The following C12orf42 variants were observed in gnomAD, a reference collection of about 807,000 sequenced individuals.
The protein encoded by C12orf42 is chromosome 12 open reading frame 42.
In C12orf42, 25 loss-of-function variants were observed where a neutral mutation model predicts 21.6. That is an observed-to-expected ratio of 1.16 (90% CI 0.84 to 1.62). C12orf42 has a LOEUF of 1.62. C12orf42 is among the 40% of genes most tolerant of loss of function. The probability of loss-of-function intolerance (pLI) is 0.00; values close to 1 mark genes in which losing one functional copy is unlikely to be tolerated. For synonymous variants in C12orf42, 174 were observed against 175.0 expected (o/e 0.99, Z 0.05); for missense variants, 483 against 459.3 (o/e 1.05, Z -0.47).
intron 10 of C12orf42, among the ~76,000 whole-genome samples, chr12:103,253,828 T>TC (rs2034426046): frequency 6.6e-6 from 1 of 151,806 alleles, no homozygotes; most frequent in Non-Finnish European, 1.5e-5. Context: ...TTAATGGGTT[T>TC]TTTTTTTCTT....
intron 3 of C12orf42, among the ~76,000 whole-genome samples, chr12:103,378,340 C>T (rs1165711586): frequency 6.6e-6 from 1 of 152,156 alleles, no homozygotes; most frequent in Non-Finnish European, 1.5e-5. Context: ...CTTTCCATCT[C>T]GCGGTCCTGG....
In C12orf42 at chr12:103,453,727, T is replaced by G. The variant is rs534826085; in HGVS notation, c.78+24622A>C. Among the ~76,000 whole-genome samples the G allele has an allele frequency of 3.9e-5, 6 of 152,232 alleles. No individual in the cohort carries two copies. The East Asian group carries it at 9.6e-4, about 24-fold the overall frequency. The stretch of plus-strand genomic sequence containing the variant: ...CATTAAGCTTTTAAACTCCTCTTCT[T>G]GATTGCAATTTTTTTCCAATATTGA... On this transcript the variant is annotated intron_variant, in intron 2 of 5. Transcript: ENST00000548883.
the C12orf42 span, among the ~76,000 whole-genome samples, chr12:103,191,523 A>G: frequency 1.6e-5 from 2 of 125,380 alleles, no homozygotes; most frequent in Admixed American, 2.0e-4. Context: ...GCTGGGCAAC[A>G]TGGTGAAACC....
Position 103,437,960 on chromosome 12 carries a change from G to T in C12orf42, c.79-36285C>A, listed in dbSNP as rs201097208. Among the ~76,000 whole-genome samples the T allele has an allele frequency of 0.011, 1,700 of 149,414 alleles. 173 individuals are homozygous for T. In the East Asian group the frequency reaches 0.24, roughly 21 times the overall value. On this transcript the variant is annotated intron_variant, in intron 2 of 5. Transcript: ENST00000548883. ...CTGGCAGAGACACAACAAAAAAAGAGAATTTTAGACCAATATCCCTGATGA... is the reference window on the plus strand; with the variant it reads ...CTGGCAGAGACACAACAAAAAAAGATAATTTTAGACCAATATCCCTGATGA...
chr12:103,486,860 A>T (rs1029097360), intron 1 of C12orf42, among the ~76,000 whole-genome samples: 2 of 151,750 alleles, frequency 1.3e-5, no homozygotes, highest in Non-Finnish European at 2.9e-5. Flanking sequence ...TTTTCTTATT[A>T]GTCTTGCTAG....
the C12orf42 span, among the ~76,000 whole-genome samples, chr12:103,538,544 T>C: frequency 9.9e-5 from 15 of 152,200 alleles, no homozygotes; most frequent in African/African-American, 3.4e-4. Flanking sequence ...GTAGAAGTCA[T>C]TATTGCCTCT....
intron 2 of C12orf42, among the ~76,000 whole-genome samples, chr12:103,426,683 A>G (rs577182514): frequency 2.0e-5 from 3 of 152,220 alleles, no homozygotes; most frequent in African/African-American, 7.2e-5. Flanking sequence ...GGTTGAAATG[A>G]AGGAAAAAAT....
At chr12:103,121,217 T>G in the C12orf42 span, among the ~76,000 whole-genome samples, 1 of 152,312 alleles carries the variant, frequency 6.6e-6, no homozygotes, top group South Asian at 2.1e-4. Context: ...TCAATGGATC[T>G]TCAAAGAAGT....
At chr12:103,322,770 G>C (rs1237353537) in intron 4 of C12orf42, among the ~76,000 whole-genome samples, 1 of 152,140 alleles carries the variant, frequency 6.6e-6, no homozygotes, top group African/African-American at 2.4e-5. Context: ...GAGTGCATTA[G>C]GTTAATCTGT....
chr12:103,465,272 C>T (rs978093587), intron 2 of C12orf42, among the ~76,000 whole-genome samples: 1 of 152,124 alleles, frequency 6.6e-6, no homozygotes, highest in Non-Finnish European at 1.5e-5. Context: ...CCTCTGATTT[C>T]CTTAAGCAGT....
At chr12:103,539,079 C>A in the C12orf42 span, among the ~76,000 whole-genome samples, 1 of 152,186 alleles carries the variant, frequency 6.6e-6, no homozygotes, top group Non-Finnish European at 1.5e-5. Context: ...GTAAGAATAA[C>A]AATTGCTAAC....
chr12:103,213,409 A>G, the C12orf42 span, among the ~76,000 whole-genome samples: 2 of 152,186 alleles, frequency 1.3e-5, no homozygotes, highest in African/African-American at 4.8e-5. Flanking sequence ...TTGAACAGAG[A>G]TTAGGCATCT....
the C12orf42 span, among the ~76,000 whole-genome samples, chr12:103,083,972 G>C: frequency 1.8e-4 from 27 of 152,310 alleles, no homozygotes; most frequent in African/African-American, 6.0e-4. Flanking sequence ...AATGTGATTA[G>C]CAGACTGCTT....
chr12:103,506,069 C>T, the C12orf42 span: 1 of 221,652 alleles, frequency 4.5e-6, no homozygotes, highest in Non-Finnish European at 8.9e-6. Flanking sequence ...CTGATCTTTG[C>T]CACTTTCTGA....
chr12:103,124,520 C>T, the C12orf42 span, among the ~76,000 whole-genome samples: 2 of 152,094 alleles, frequency 1.3e-5, no homozygotes, highest in Non-Finnish European at 2.9e-5. Flanking sequence ...TTGATTTCCT[C>T]AGGGCCTGGT....
At chr12:103,056,552 T>G in the C12orf42 span, among the ~76,000 whole-genome samples, 1 of 152,144 alleles carries the variant, frequency 6.6e-6, no homozygotes, top group Non-Finnish European at 1.5e-5. Context: ...TTCTTTTTCC[T>G]CTCCTTCCAT....
At chr12:103,348,352 G>A (rs2042816304) in intron 4 of C12orf42, among the ~76,000 whole-genome samples, 1 of 152,172 alleles carries the variant, frequency 6.6e-6, no homozygotes, top group African/African-American at 2.4e-5. Flanking sequence ...CTACCTTATT[G>A]TGGGAGAAGA....
chr12:103,068,934 CATATATATATATAT>C, the C12orf42 span, among the ~76,000 whole-genome samples: 641 of 48,060 alleles, frequency 0.013, 17 homozygotes, highest in East Asian at 0.033. Flanking sequence ...TCTCTCTCCA[CATATATATATATAT>C]ATATATATAT....
the C12orf42 span, among the ~76,000 whole-genome samples, chr12:103,520,064 C>A: frequency 1.3e-5 from 2 of 152,100 alleles, no homozygotes; most frequent in African/African-American, 2.4e-5. Context: ...ACAAAGAAGT[C>A]CCACTTGACT....
Sources: allele counts gnomAD v4.1 joint callset (sites outside exome capture counted in the v4.1 genomes callset), GRCh38; gene constraint gnomAD v4.1.1; transcripts MANE v1.5; gene names NCBI Gene and HGNC (gene_info 2026-07-23, HGNC 2026-07-21).